CD300LD: variants seen among roughly 807,000 people sequenced by gnomAD.
CD300LD encodes the protein CMRF35-like molecule 5.
Under a neutral mutation model 20.3 loss-of-function variants are expected in CD300LD, and 18 were observed. The ratio of observed to expected loss-of-function variants is 0.89; its 90% CI spans 0.61 to 1.32. The LOEUF (loss-of-function observed/expected upper bound fraction) is 1.32. CD300LD is among the 40% of genes most tolerant of loss of function. The pLI, the probability that CD300LD is intolerant of heterozygous loss-of-function variation, is 0.00. For missense variants in CD300LD, 195 were observed against 226.6 expected, an observed-to-expected ratio of 0.86 and a Z score of 0.90; for synonymous variants, 104 against 90.1, an observed-to-expected ratio of 1.15 and a Z score of -0.87.
chr17:74,585,319 T>C (rs542173040), intron 2 of CD300LD, among the ~76,000 whole-genome samples: 10 of 152,268 alleles, frequency 6.6e-5, no homozygotes, highest in African/African-American at 2.2e-4. Flanking sequence ...CCTGCCATTA[T>C]CTTCTTCTTA....
At chr17:74,581,533 G>T (rs1011739952) in intron 3 of CD300LD, among the ~76,000 whole-genome samples, 1 of 152,348 alleles carries the variant, frequency 6.6e-6, no homozygotes, top group South Asian at 2.1e-4. Context: ...AGACCCCTCT[G>T]CCAGCTTGGG....
chr17:74,582,873 T>A (rs2030068299), intron 2 of CD300LD, among the ~76,000 whole-genome samples: 1 of 152,198 alleles, frequency 6.6e-6, no homozygotes, highest in Non-Finnish European at 1.5e-5. Flanking sequence ...CAATTCCTGC[T>A]GGACCACACC....
Position 74,579,404 on chromosome 17 carries a change from A to G in CD300LD, c.*598T>C, listed in dbSNP as rs1448649252. On this transcript the variant is annotated 3_prime_UTR_variant, in exon 4 of 4. Transcript: ENST00000375352. The stretch of plus-strand genomic sequence containing the variant: ...CATAGGTGCCTCTCGGGGGAAACAC[A>G]TTCTTCTCATGTTTTCTACTGCATT... 6.6e-6 allele frequency: 1 copy of G among 152,194 alleles called. No homozygotes were observed. The highest frequency in any genetic ancestry group is 1.5e-5 in the Non-Finnish European group (1 of 68,092). The allele number at this position is 152,194 out of a possible 1,614,324, so 9.4% of individuals were successfully genotyped here.
rs570959032 is a variant in CD300LD at position 74,579,524 on chromosome 17, C to A, written c.*478G>T. The A allele has an allele frequency of 6.4e-6, 1 of 157,262 alleles. No homozygotes were observed. Among genetic ancestry groups the A allele is most frequent in the Non-Finnish European group, 1.4e-5 (1 of 71,350 alleles). The allele number at this position is 157,262 out of a possible 1,614,324, so 9.7% of individuals were successfully genotyped here. A position where few individuals can be genotyped will look rare whatever the true frequency, so the allele number is the denominator to read the frequency against. Reference sequence around the variant, plus strand: ...TGGCACGGCTGCAGGAGATAGGGGACTAGGAGGCTGTTCCCTGAAGCTGGG... The same window carrying A: ...TGGCACGGCTGCAGGAGATAGGGGAATAGGAGGCTGTTCCCTGAAGCTGGG... On this transcript the variant is annotated 3_prime_UTR_variant, in exon 4 of 4. Transcript: ENST00000375352.
At position 74,579,722 on chromosome 17, in the gene CD300LD, A is replaced by G; in HGVS notation, c.*280T>C. The stretch of plus-strand genomic sequence containing the variant: ...AACGTGGTGGAAGCCCATCTCTACA[A>G]AAAAATTTAAAAATTAGCTGGGGGT... On this transcript the variant is annotated 3_prime_UTR_variant, in exon 4 of 4. Coordinates refer to ENST00000375352, the MANE Select transcript of CD300LD (RefSeq NM_001115152.2). 1 of 219,640 alleles carries G rather than the reference A, an allele frequency of 4.6e-6. No individual in the cohort carries two copies. Among genetic ancestry groups the G allele is most frequent in the South Asian group, 7.1e-5 (1 of 14,164 alleles). The allele number at this position is 219,640 out of a possible 1,614,324, so 13.6% of individuals were successfully genotyped here.
At position 74,588,864 on chromosome 17, in the gene CD300LD, T is replaced by C. The variant is rs2030236988; in HGVS notation, c.41-15A>G. 1 of 1,590,726 alleles carries C rather than the reference T, an allele frequency of 6.3e-7. No homozygotes were observed. The highest frequency in any genetic ancestry group is 1.1e-5 in the South Asian group (1 of 89,200). ...AATGGAGTAACCTGGAAAACGCAAA[T>C]TCATGTGTCGTCACCTCCCACCCCA... On this transcript the variant is annotated splice_polypyrimidine_tract_variant and intron_variant, in intron 1 of 3. Coordinates refer to ENST00000375352, the MANE Select transcript of CD300LD (RefSeq NM_001115152.2).
intron 2 of CD300LD, among the ~76,000 whole-genome samples, chr17:74,582,679 C>T (rs2030062739): frequency 6.6e-6 from 1 of 152,192 alleles, no homozygotes; most frequent in South Asian, 2.1e-4. Context: ...AGCTGGTGGC[C>T]CCCTCGCTGA....
rs985259147 is a variant in CD300LD, at chr17:74,579,815, G to A, written c.*187C>T. ...CAGGAGGATCGCTTGAGCCTGGGAGGGGAAAGTTGCAGTGAGCAGAGATTA... is the reference window on the plus strand; with the variant it reads ...CAGGAGGATCGCTTGAGCCTGGGAGAGGAAAGTTGCAGTGAGCAGAGATTA... On this transcript the variant is annotated 3_prime_UTR_variant, in exon 4 of 4. Coordinates refer to ENST00000375352, the MANE Select transcript of CD300LD (RefSeq NM_001115152.2). The A allele has an allele frequency of 1.0e-5, 4 of 384,460 alleles. No individual in the cohort carries two copies. The highest frequency in any genetic ancestry group is 1.9e-5 in the Non-Finnish European group (4 of 205,478). 23.8% of individuals were successfully genotyped at this position (384,460 alleles called of 1,614,324 possible). A position where few individuals can be genotyped will look rare whatever the true frequency, so the allele number is the denominator to read the frequency against.
At chr17:74,590,652 C>T (rs1025643944) in intron 1 of CD300LD, 1 of 152,084 alleles carries the variant, frequency 6.6e-6, no homozygotes, top group African/African-American at 2.4e-5. Flanking sequence ...AACTAAGAAA[C>T]TACACACGAC....
rs768141073 is a variant in CD300LD at position 74,579,954 on chromosome 17, A to G, written c.*48T>C. 22 of 1,177,744 alleles carry G rather than the reference A, an allele frequency of 1.9e-5. No individual in the cohort carries two copies. Among genetic ancestry groups the G allele is most frequent in the Middle Eastern group, 1.9e-4 (1 of 5,266 alleles). The allele number at this position is 1,177,744 out of a possible 1,614,324, so 73.0% of individuals were successfully genotyped here. ...GGGAGGGCCTTTCGCCCTGGACAGG[A>G]CGTCAATGGGCATTGGGACTCTCAT... On this transcript the variant is annotated 3_prime_UTR_variant, in exon 4 of 4. Transcript: ENST00000375352.
Position 74,591,960 on chromosome 17 carries a change from T to C in CD300LD, c.40+203A>G, listed in dbSNP as rs1485132936. ...CCAACAAGAAGCTATACTTGTTTTG[T>C]TTTGTGTGTGTTTGTTTCTGCAGCA... On this transcript the variant is annotated intron_variant, in intron 1 of 3. Transcript: ENST00000375352. The C allele has an allele frequency of 6.2e-6, 9 of 1,449,700 alleles. No homozygotes were observed. In the East Asian group the frequency reaches 1.9e-4, roughly 30 times the overall value. 89.8% of individuals were successfully genotyped at this position (1,449,700 alleles called of 1,614,324 possible).
intron 2 of CD300LD, 144 bp downstream of exon 2, chr17:74,588,367 A>G: frequency 1.7e-6 from 1 of 586,020 alleles, no homozygotes; most frequent in Non-Finnish European, 3.0e-6. Context: ...AGGGACAAAT[A>G]TTCAAACCAT....
rs752329374 is a variant in CD300LD at position 74,579,969 on chromosome 17, G to GGGACTCTCA, written c.*24_*32dup. The stretch of plus-strand genomic sequence containing the variant: ...CCTGGACAGGACGTCAATGGGCATT[G>GGGACTCTCA]GGACTCTCATCATCGGGCTGACTCC... On this transcript the variant is annotated 3_prime_UTR_variant, in exon 4 of 4. Transcript: ENST00000375352. The GGGACTCTCA allele has an allele frequency of 7.3e-7, 1 of 1,377,552 alleles. No individual in the cohort carries two copies. 85.3% of individuals were successfully genotyped at this position (1,377,552 alleles called of 1,614,324 possible).
rs1460544413 is a variant in CD300LD, at chr17:74,580,022, T to C, written c.565A>G (p.Arg189Gly). Reference sequence around the variant, plus strand: ...CTCCTTCAAGACCTTCTTTGTGGTCTGTTTACCCAGAGGACGGTCCCCAGC... The same window carrying C: ...CTCCTTCAAGACCTTCTTTGTGGTCCGTTTACCCAGAGGACGGTCCCCAGC... ...SMLGTVLWVN[R>G]PQRRS The change falls in exon 4 of 4, where the codon AGA (arginine) becomes GGA (glycine). Residue 189 changes from arginine to glycine, a missense_variant. Transcript: ENST00000375352. The C allele has an allele frequency of 3.7e-6, 6 of 1,611,986 alleles. No individual in the cohort carries two copies. In the African/African-American group the frequency reaches 4.0e-5, roughly 11 times the overall value.
At position 74,580,107 on chromosome 17, in the gene CD300LD, C is replaced by A; in HGVS notation, c.480G>T (p.Pro160=). 6.2e-7 allele frequency: 1 copy of A among 1,608,264 alleles called. No homozygotes were observed. Among genetic ancestry groups the A allele is most frequent in the Admixed American group, 1.7e-5 (1 of 59,392 alleles). ...QKTSSPLTRS[P]LKSTHFLFLF... ...GGAACAGGAAGTGGGTGCTCTTGAG[C>A]GGGGACCTGTGGGAACACGGTGACA... is the stretch of plus-strand genomic sequence containing the variant. Residue 160 remains proline (P), a synonymous_variant, in exon 4 of 4, where the codon CCG becomes CCT. Coordinates refer to ENST00000375352, the MANE Select transcript of CD300LD (RefSeq NM_001115152.2).
chr17:74,589,038 C>T (rs2030242855), intron 1 of CD300LD, among the ~76,000 whole-genome samples, 189 bp from the exon 2 acceptor site: 1 of 152,222 alleles, frequency 6.6e-6, no homozygotes, highest in African/African-American at 2.4e-5. Context: ...CACTGAAGAG[C>T]ACAACTGCAG....
chr17:74,591,262 A>AAAATAATAATAAT (rs1555650249), intron 1 of CD300LD, among the ~76,000 whole-genome samples: 1 of 114,118 alleles, frequency 8.8e-6, no homozygotes, highest in South Asian at 2.4e-4. Flanking sequence ...AAAAAAAAAA[A>AAAATAATAATAAT]AATAAAAATA....
chr17:74,579,077 G>T (rs569880498), downstream of CD300LD, among the ~76,000 whole-genome samples: 1 of 152,214 alleles, frequency 6.6e-6, no homozygotes, highest in Non-Finnish European at 1.5e-5. Context: ...TTACAGTGAC[G>T]AAAGGAGGCT....
At chr17:74,582,489 A>G (rs1045496951) in intron 2 of CD300LD, among the ~76,000 whole-genome samples, 178 bp from the exon 3 acceptor site, 1 of 152,244 alleles carries the variant, frequency 6.6e-6, no homozygotes, top group Non-Finnish European at 1.5e-5. Context: ...CTGAATTATT[A>G]CCATGTGAGA....
Sources: gnomAD v4.1 joint callset for allele counts (sites outside exome capture counted in the v4.1 genomes callset) on GRCh38, gnomAD v4.1.1 for gene constraint, MANE v1.5 for transcripts, NCBI Gene and HGNC (gene_info 2026-07-23, HGNC 2026-07-21) for gene names.